CCDC171: variants seen among roughly 807,000 people sequenced by gnomAD.
The protein encoded by CCDC171 is coiled-coil domain-containing protein 171.
CCDC171 carries 177 observed loss-of-function variants against 168.2 expected under a neutral mutation model. That is an observed-to-expected ratio of 1.05 (90% CI 0.93 to 1.19). CCDC171 has a LOEUF of 1.19. Ranked by LOEUF, CCDC171 falls within the 50% of genes most tolerant of loss-of-function variation. The pLI, the probability that CCDC171 is intolerant of heterozygous loss-of-function variation, is 0.00. For synonymous variants in CCDC171, 687 were observed against 540.8 expected (o/e 1.27, Z -3.75); for missense variants, 1,991 against 1,539.0 (o/e 1.29, Z -4.91).
chr9:15,579,161 G>C lies in CCDC171; in HGVS notation c.352+138G>C, dbSNP rs981012082. 3 of 604,898 alleles carry C rather than the reference G, an allele frequency of 5.0e-6. No homozygotes were observed. The African/African-American group carries it at 5.7e-5, about 12-fold the overall frequency. 37.5% of individuals were successfully genotyped at this position (604,898 alleles called of 1,614,324 possible). The stretch of plus-strand genomic sequence containing the variant: ...GACTGACTTTTGATGTACAGACTTA[G>C]CTGGGTATGTATAAAAAGTCTTCTG... On this transcript the variant is annotated intron_variant, in intron 4 of 25. Transcript: ENST00000380701.
intron 25 of CCDC171, among the ~76,000 whole-genome samples, chr9:15,938,438 C>A (rs1454496590): frequency 6.6e-6 from 1 of 151,696 alleles, no homozygotes; most frequent in African/African-American, 2.4e-5. Flanking sequence ...GAAAAAAAAT[C>A]CTAATTTTTT....
chr9:15,661,042 A>G (rs2048277119), intron 8 of CCDC171, among the ~76,000 whole-genome samples: 2 of 152,262 alleles, frequency 1.3e-5, no homozygotes, highest in Admixed American at 1.3e-4. Flanking sequence ...GCACTTTGGG[A>G]GGCCGAGGCG....
chr9:15,900,668 A>G (rs1821510767), intron 24 of CCDC171, among the ~76,000 whole-genome samples: 2 of 152,140 alleles, frequency 1.3e-5, no homozygotes, highest in Non-Finnish European at 2.9e-5. Context: ...TGCTGCTTTT[A>G]TGCTTCTTTG....
At chr9:15,690,309 A>T (rs1380342111) in intron 10 of CCDC171, among the ~76,000 whole-genome samples, 1 of 152,188 alleles carries the variant, frequency 6.6e-6, no homozygotes, top group Non-Finnish European at 1.5e-5. Flanking sequence ...TAAAGTTACC[A>T]CAATTAAGAG....
chr9:15,627,145 GT>G (rs1170037360), intron 7 of CCDC171, among the ~76,000 whole-genome samples: 1 of 152,130 alleles, frequency 6.6e-6, no homozygotes, highest in Non-Finnish European at 1.5e-5. Flanking sequence ...TTGTATTTCC[GT>G]GGGATCGGTG....
chr9:15,833,219 T>C (rs986004753), intron 21 of CCDC171, among the ~76,000 whole-genome samples: 7 of 152,094 alleles, frequency 4.6e-5, no homozygotes, highest in African/African-American at 1.7e-4. Flanking sequence ...CTCGAACTCC[T>C]GACCTCTGGT....
chr9:15,781,147 A>G (rs1048440923), intron 20 of CCDC171, among the ~76,000 whole-genome samples: 1 of 152,248 alleles, frequency 6.6e-6, no homozygotes, highest in African/African-American at 2.4e-5. Flanking sequence ...TATACGAAGA[A>G]TTCTAAATAT....
At chr9:16,076,406 C>A in the CCDC171 span, among the ~76,000 whole-genome samples, 2 of 152,174 alleles carry the variant, frequency 1.3e-5, no homozygotes, top group African/African-American at 4.8e-5. Flanking sequence ...CAGATCCAGT[C>A]TTCCTTCTCG....
At chr9:15,557,443 A>C (rs997261557) in intron 1 of CCDC171, among the ~76,000 whole-genome samples, 6 of 152,170 alleles carry the variant, frequency 3.9e-5, no homozygotes, top group Non-Finnish European at 7.4e-5. Flanking sequence ...GTTCTCCTTG[A>C]AGAGGTCCTT....
intron 9 of CCDC171, among the ~76,000 whole-genome samples, chr9:15,678,547 A>G (rs919552923): frequency 1.3e-4 from 20 of 152,150 alleles, no homozygotes; most frequent in African/African-American, 4.8e-4. Flanking sequence ...GCATACTACA[A>G]ATACCTACTA....
chr9:15,900,743 G>T (rs1821519973), intron 24 of CCDC171, among the ~76,000 whole-genome samples: 1 of 152,188 alleles, frequency 6.6e-6, no homozygotes, highest in East Asian at 1.9e-4. Flanking sequence ...GGACATACAT[G>T]CTGTGAGACA....
chr9:15,644,195 A>G (rs2046858198), intron 7 of CCDC171, among the ~76,000 whole-genome samples: 1 of 152,186 alleles, frequency 6.6e-6, no homozygotes, highest in East Asian at 1.9e-4. Context: ...TCAGTAATGT[A>G]TGAGGTTTCT....
intron 1 of CCDC171, among the ~76,000 whole-genome samples, chr9:15,555,210 A>T (rs569749481): frequency 3.9e-5 from 6 of 152,188 alleles, no homozygotes; most frequent in Non-Finnish European, 7.4e-5. Context: ...TTGATGAATG[A>T]TACACATAAT....
chr9:15,853,863 G>A (rs1271306717), intron 23 of CCDC171, among the ~76,000 whole-genome samples: 1 of 151,480 alleles, frequency 6.6e-6, no homozygotes, highest in East Asian at 1.9e-4. Flanking sequence ...ATCATGTTGT[G>A]CCTCGCCTCC....
intron 24 of CCDC171, among the ~76,000 whole-genome samples, chr9:15,895,895 C>T (rs1186387): frequency 0.86 from 129,895 of 151,922 alleles, 55,600 homozygotes; most frequent in East Asian, 0.96. Flanking sequence ...TTGGTGTTAT[C>T]ATCACTGATC....
intron 3 of CCDC171, among the ~76,000 whole-genome samples, chr9:15,993,485 A>C (rs1391857274): frequency 6.6e-6 from 1 of 152,226 alleles, no homozygotes; most frequent in African/African-American, 2.4e-5. Context: ...TAAACCCATA[A>C]AAACCCTAGA....
At chr9:15,605,014 G>T (rs918956327) in intron 6 of CCDC171, among the ~76,000 whole-genome samples, 1 of 152,068 alleles carries the variant, frequency 6.6e-6, no homozygotes, top group Non-Finnish European at 1.5e-5. Context: ...GCCTACCTCA[G>T]CCTCCTTTGT....
At chr9:15,663,107 A>T (rs2133086927) in intron 8 of CCDC171, among the ~76,000 whole-genome samples, 1 of 152,366 alleles carries the variant, frequency 6.6e-6, no homozygotes, top group East Asian at 1.9e-4. Context: ...TATAGATGAG[A>T]AGCCTCAAAT....
chr9:15,830,256 G>C (rs1201430328), intron 21 of CCDC171, among the ~76,000 whole-genome samples: 2 of 152,140 alleles, frequency 1.3e-5, no homozygotes, highest in Non-Finnish European at 2.9e-5. Context: ...TAGGAAGTAA[G>C]ACATGAAAGA....
Sources: gnomAD v4.1 joint callset for allele counts (sites outside exome capture counted in the v4.1 genomes callset) on GRCh38, gnomAD v4.1.1 for gene constraint, MANE v1.5 for transcripts, NCBI Gene and HGNC (gene_info 2026-07-23, HGNC 2026-07-21) for gene names.